THAP12: variants seen among roughly 807,000 people sequenced by gnomAD.
THAP12 encodes the protein THAP domain containing 12, also known as 52 kDa repressor of the inhibitor of the protein kinase.
Under a neutral mutation model 63.0 loss-of-function variants are expected in THAP12, and 20 were observed. The observed-to-expected ratio is 0.32, with a 90% CI of 0.22 to 0.46. The LOEUF is 0.46. THAP12 is among the 20% of genes least tolerant of loss of function. The probability of loss-of-function intolerance (pLI) is 1.00; values close to 1 mark genes in which losing one functional copy is unlikely to be tolerated. For missense variants in THAP12, 568 were observed against 908.2 expected (o/e 0.63, Z 4.81); for synonymous variants, 264 against 328.4 (o/e 0.80, Z 2.12).
intron 1 of THAP12, among the ~76,000 whole-genome samples, chr11:76,367,597 A>C (rs1373117279): frequency 6.6e-6 from 1 of 151,526 alleles, no homozygotes; most frequent in African/African-American, 2.4e-5. Context: ...TAAGTTTTGT[A>C]TTTATAGTAC....
At chr11:76,378,723 C>T (rs1473331263) in intron 1 of THAP12, among the ~76,000 whole-genome samples, 1 of 151,972 alleles carries the variant, frequency 6.6e-6, no homozygotes, top group African/African-American at 2.4e-5. Flanking sequence ...GCGATTCTCA[C>T]GTCTTGGCCT....
rs544650867 is a variant in THAP12, at chr11:76,373,489, G to A, written c.89+7259C>T. ...CTAAGACTTTGGGAGGCTGAACAAG[G>A]GGGGAATGCTTCAGCTCAGGAGTCC... On this transcript the variant is annotated intron_variant, in intron 1 of 4. Transcript: ENST00000260045. Among the ~76,000 whole-genome samples the A allele has an allele frequency of 1.8e-3, 265 of 151,226 alleles. 4 individuals are homozygous for A. Among genetic ancestry groups the A allele is most frequent in the African/African-American group, 6.0e-3 (248 of 41,204 alleles).
At chr11:76,362,524 C>T (rs1489626964) in intron 2 of THAP12, among the ~76,000 whole-genome samples, 1 of 152,198 alleles carries the variant, frequency 6.6e-6, no homozygotes, top group Non-Finnish European at 1.5e-5. Flanking sequence ...TAACACTCAA[C>T]TTCTAGTGCT....
At chr11:76,374,347 G>C (rs1193154225) in intron 1 of THAP12, among the ~76,000 whole-genome samples, 1 of 146,668 alleles carries the variant, frequency 6.8e-6, no homozygotes, top group Non-Finnish European at 1.5e-5. Context: ...AGTTCAGTGA[G>C]TTATACATAC....
chr11:76,370,837 A>AT (rs1039181394), intron 1 of THAP12, among the ~76,000 whole-genome samples: 31 of 133,606 alleles, frequency 2.3e-4, no homozygotes, highest in African/African-American at 7.9e-4. Flanking sequence ...AAAGAAAAAA[A>AT]AAAAAAATAT....
At chr11:76,373,371 T>C (rs1277401359) in intron 1 of THAP12, among the ~76,000 whole-genome samples, 3 of 149,440 alleles carry the variant, frequency 2.0e-5, no homozygotes, top group Admixed American at 2.0e-4. Context: ...GAAAAAGAAG[T>C]ACTATTATTA....
intron 1 of THAP12, among the ~76,000 whole-genome samples, chr11:76,371,164 A>G (rs904546422): frequency 6.6e-6 from 1 of 151,988 alleles, no homozygotes; most frequent in African/African-American, 2.4e-5. Context: ...CCCTTCTCTA[A>G]CCCCTTCTCC....
Position 76,351,180 on chromosome 11 carries a change from T to C in THAP12, c.1970A>G (p.Glu657Gly). The part of the protein sequence containing the change: ...IKWKHRGKDI[E>G]LPSTIYEALH... ...GGCTTCATAGATGGTGGACGGAAGC[T>C]CTATATCTTTCCCCCTGTGTTTCCA... The change falls in exon 5 of 5, where the codon GAG becomes GGG. Residue 657 changes from glutamate (E) to glycine (G), a missense_variant. Transcript: ENST00000260045. The C allele has an allele frequency of 6.3e-7, 1 of 1,575,542 alleles. No homozygotes were observed. Among genetic ancestry groups the C allele is most frequent in the Non-Finnish European group, 8.6e-7 (1 of 1,162,210 alleles).
chr11:76,363,805 C>A (rs1946614333), intron 2 of THAP12, among the ~76,000 whole-genome samples: 2 of 152,006 alleles, frequency 1.3e-5, no homozygotes, highest in Non-Finnish European at 1.5e-5. Context: ...AAGGGGTTTC[C>A]CCGTTGGCCA....
chr11:76,361,179 G>C, intron 2 of THAP12, 116 bp from the exon 3 acceptor site: 1 of 641,152 alleles, frequency 1.6e-6, no homozygotes. Context: ...CTAAAGTATA[G>C]AGACTTACAG....
Position 76,351,653 on chromosome 11 carries a change from GT to G in THAP12, c.1496del (p.Asn499ThrfsTer16). Reference sequence around the variant, plus strand: ...AGACATCAGAGGTTTGCCCCTGGAGGTTTTTCCCAAAGGCTCTTGTAAAAGA... The same window carrying G: ...AGACATCAGAGGTTTGCCCCTGGAGGTTTTCCCAAAGGCTCTTGTAAAAGA... ...VLSFTRAFGK[N>X]LQGQTSDVFF... On this transcript the variant is annotated frameshift_variant, in exon 5 of 5. Coordinates refer to ENST00000260045, the MANE Select transcript of THAP12 (RefSeq NM_004705.4). LOFTEE classifies it high-confidence loss of function. 1 of 1,582,656 alleles carries G rather than the reference GT, an allele frequency of 6.3e-7. No homozygotes were observed. Among genetic ancestry groups the G allele is most frequent in the Non-Finnish European group, 8.6e-7 (1 of 1,163,736 alleles).
intron 1 of THAP12, among the ~76,000 whole-genome samples, chr11:76,367,107 G>C (rs556649639): frequency 1.6e-3 from 236 of 146,306 alleles, no homozygotes; most frequent in African/African-American, 5.6e-3. Flanking sequence ...ACAGAGTTTT[G>C]CTCTTGTTGC....
chr11:76,351,234 G>A lies in THAP12; in HGVS notation c.1916C>T (p.Ser639Leu). ...GATTCTCCAACAATGAAGCTCAGCTGACAGCGTGTCAGGATTGGGTAAGTC... is the reference window on the plus strand; with the variant it reads ...GATTCTCCAACAATGAAGCTCAGCTAACAGCGTGTCAGGATTGGGTAAGTC... ...RSDLPNPDTLSAELHCWRIKW... is the reference protein window; with the variant it reads ...RSDLPNPDTLLAELHCWRIKW... Residue 639 changes from serine to leucine, a missense_variant, in exon 5 of 5, where the codon TCA (serine) becomes TTA (leucine). By Grantham distance (145) the Ser-to-Leu change is moderately radical (BLOSUM62 -2). Transcript: ENST00000260045. 2 of 1,555,382 alleles carry A rather than the reference G, an allele frequency of 1.3e-6. No homozygotes were observed. The highest frequency in any genetic ancestry group is 1.7e-6 in the Non-Finnish European group (2 of 1,151,100).
At chr11:76,380,727 C>G in intron 1 of THAP12, 21 bp downstream of exon 1, 1 of 1,400,808 alleles carries the variant, frequency 7.1e-7, no homozygotes, top group Non-Finnish European at 9.4e-7. Context: ...CCGGGCCGCC[C>G]GCTCTGCGCC....
At chr11:76,376,800 C>T (rs4320976) in intron 1 of THAP12, among the ~76,000 whole-genome samples, 21,028 of 151,688 alleles carry the variant, frequency 0.14, 1,551 homozygotes, top group South Asian at 0.21. Flanking sequence ...ACTATACTCC[C>T]CTTAAGGAGT....
At position 76,352,424 on chromosome 11, in the gene THAP12, A is replaced by G. The variant is rs888365382; in HGVS notation, c.726T>C (p.Cys242=). The G allele has an allele frequency of 1.1e-5, 18 of 1,611,902 alleles. No homozygotes were observed. Among genetic ancestry groups the G allele is most frequent in the Non-Finnish European group, 1.5e-5 (18 of 1,179,788 alleles). The stretch of plus-strand genomic sequence containing the variant: ...GAGTTTCTTCTCGAATACAGCTCTC[A>G]CAGATCTCTAGCATCTGCCTCTGCT... ...KTQQRQMLEI[C]ESCIREETLR... Residue 242 remains cysteine, a synonymous_variant, in exon 5 of 5, where the codon TGT becomes TGC. Coordinates refer to ENST00000260045, the MANE Select transcript of THAP12 (RefSeq NM_004705.4).
rs376449525 is a variant in THAP12, at chr11:76,369,486, G to C, written c.90-3514C>G. On this transcript the variant is annotated intron_variant, in intron 1 of 4. Coordinates refer to ENST00000260045, the MANE Select transcript of THAP12 (RefSeq NM_004705.4). ...AAAAGAGTTAACACAGCAGACCTCA[G>C]GCTGCTGTCCTTAGAAAGGCCTGTT... Among the ~76,000 whole-genome samples, 8 of 152,382 alleles carry C rather than the reference G, an allele frequency of 5.2e-5. No homozygotes were observed. The East Asian group carries it at 1.2e-3, about 22-fold the overall frequency.
rs1370815039 is a variant in THAP12, at chr11:76,351,466, C to G, written c.1684G>C (p.Gly562Arg). 2 of 1,592,142 alleles carry G rather than the reference C, an allele frequency of 1.3e-6. No homozygotes were observed. Among genetic ancestry groups the G allele is most frequent in the African/African-American group, 1.3e-5 (1 of 74,600 alleles). Reference sequence around the variant, plus strand: ...GAGGTTAGCTGAGATTCCAAGTTACCCTGGTGAGCTCTGCGGAATTTCCCA... The same window carrying G: ...GAGGTTAGCTGAGATTCCAAGTTACGCTGGTGAGCTCTGCGGAATTTCCCA... ...LPGKFRRAHQGNLESQLTSES... is the reference protein window; with the variant it reads ...LPGKFRRAHQRNLESQLTSES... The change falls in exon 5 of 5, where the codon GGT becomes CGT. Residue 562 changes from glycine (G) to arginine (R), a missense_variant. Transcript: ENST00000260045.
chr11:76,365,918 A>G lies in THAP12; in HGVS notation c.144T>C (p.Pro48=). The change falls in exon 2 of 5, where the codon CCT becomes CCC. Residue 48 remains proline (P), a synonymous_variant. Transcript: ENST00000260045. ...ATCGATAATGTTTATTTAGCTGATC[A>G]GGTGTTTTATCTTCTAAGTCTGCTC... ...CRRADLEDKT[P]DQLNKHYRLC... is the part of the protein sequence containing the mutation. 1 of 1,613,310 alleles carries G rather than the reference A, an allele frequency of 6.2e-7. No homozygotes were observed. Among genetic ancestry groups the G allele is most frequent in the Non-Finnish European group, 8.5e-7 (1 of 1,179,350 alleles).
Sources: gnomAD v4.1 joint callset for allele counts (sites outside exome capture counted in the v4.1 genomes callset) on GRCh38, gnomAD v4.1.1 for gene constraint, MANE v1.5 for transcripts, NCBI Gene and HGNC (gene_info 2026-07-23, HGNC 2026-07-21) for gene names.